Variants in ELFN1 observed in about 807,000 individuals in gnomAD.
ELFN1 encodes the protein extracellular leucine rich repeat and fibronectin type III domain containing 1.
Under a neutral mutation model 7.6 loss-of-function variants are expected in ELFN1, and 6 were observed. The observed-to-expected ratio is 0.79, with a 90% confidence interval of 0.43 to 1.56. The LOEUF (loss-of-function observed/expected upper bound fraction) is 1.56. ELFN1 is among the 40% of genes most tolerant of loss of function. ELFN1 has a pLI of 0.01. For missense variants in ELFN1, 1,169 were observed against 1,232.2 expected (o/e 0.95, Z 0.77); for synonymous variants, 657 against 588.1 (o/e 1.12, Z -1.70).
chr7:1,714,631 A>G (rs1279500768), intron 3 of ELFN1, among the ~76,000 whole-genome samples: 2 of 152,206 alleles, frequency 1.3e-5, no homozygotes, highest in Admixed American at 1.3e-4. Flanking sequence ...CCCAAGGCCT[A>G]CTATTGCTTT....
chr7:1,715,220 G>A (rs957311628), intron 3 of ELFN1, among the ~76,000 whole-genome samples: 1 of 152,204 alleles, frequency 6.6e-6, no homozygotes, highest in African/African-American at 2.4e-5. Flanking sequence ...TTGCCAAGTA[G>A]TTGTTTGGCA....
At chr7:1,734,577 C>G (rs540987283) in intron 3 of ELFN1, among the ~76,000 whole-genome samples, 1 of 152,218 alleles carries the variant, frequency 6.6e-6, no homozygotes, top group Non-Finnish European at 1.5e-5. Flanking sequence ...GGACCAGGCA[C>G]CCCCTTCCCG....
Position 1,739,127 on chromosome 7 carries a change from C to G in ELFN1, c.-293-5177C>G, listed in dbSNP as rs148060329. The G allele has an allele frequency of 6.6e-6, 1 of 152,138 alleles. No individual in the cohort carries two copies. Among genetic ancestry groups the G allele is most frequent in the Non-Finnish European group, 1.5e-5 (1 of 68,082 alleles). 9.4% of individuals were successfully genotyped at this position (152,138 alleles called of 1,614,324 possible). The stretch of plus-strand genomic sequence containing the variant: ...TGTCTGGAGGCCGGATTCTCCTCCA[C>G]GCGTGGAGGACTGGACGCCCTCAGG... On this transcript the variant is annotated intron_variant, in intron 3 of 3. Transcript: ENST00000424383. This position sits in a 1 kb window ranked among gnomAD's most constrained non-coding sequence, Gnocchi z 4.6.
chr7:1,697,913 G>A (rs1461848727), intron 2 of ELFN1, among the ~76,000 whole-genome samples: 1 of 152,234 alleles, frequency 6.6e-6, no homozygotes, highest in Non-Finnish European at 1.5e-5. Context: ...GCCTCCAGGT[G>A]TGGGAAGAAA....
intron 1 of ELFN1, among the ~76,000 whole-genome samples, chr7:1,680,299 G>C (rs1052236336): frequency 1.2e-4 from 19 of 152,178 alleles, no homozygotes; most frequent in African/African-American, 4.3e-4. Flanking sequence ...TTTTGGGAAG[G>C]TACCCCAAGG....
chr7:1,701,015 G>A (rs1779415706), intron 2 of ELFN1, among the ~76,000 whole-genome samples: 1 of 152,182 alleles, frequency 6.6e-6, no homozygotes, highest in Admixed American at 6.5e-5. Context: ...CTCTCAGAAG[G>A]TAGCTGTCGT....
At position 1,670,643 on chromosome 7, in the gene ELFN1, G is replaced by C. The variant is rs1778746406; in HGVS notation, c.-549+289G>C. 1.3e-5 allele frequency among the ~76,000 whole-genome samples: 2 copies of C among 152,244 alleles called. No individual in the cohort carries two copies. The highest frequency in any genetic ancestry group is 2.9e-5 in the Non-Finnish European group (2 of 67,988). ...AGCCCGCACGCTGCCCCGTGCCTCC[G>C]AGAGGTCCCTTCCCCAGCGCCTCTC... On this transcript the variant is annotated intron_variant, in intron 1 of 3. Transcript: ENST00000424383. The surrounding 1 kb of genome is among the most constrained non-coding windows in gnomAD (Gnocchi z 6.4).
rs1432628484 is a variant in ELFN1, at chr7:1,746,720, C to T, written c.2124C>T (p.Pro708=). The part of the protein sequence containing the change: ...RQYGEHRHSY[P]GSHPAEPPAP... ...ACGGCGAGCACCGGCACTCGTACCCCGGCTCCCACCCGGCCGAGCCACCTG... is the reference window on the plus strand; with the variant it reads ...ACGGCGAGCACCGGCACTCGTACCCTGGCTCCCACCCGGCCGAGCCACCTG... Residue 708 remains proline, a synonymous_variant, in exon 4 of 4, where the codon CCC becomes CCT. Coordinates refer to ENST00000424383, the MANE Select transcript of ELFN1 (RefSeq NM_001128636.4). The T allele has an allele frequency of 1.5e-5, 22 of 1,478,552 alleles. No individual in the cohort carries two copies. Among genetic ancestry groups the T allele is most frequent in the Middle Eastern group, 4.0e-4 (2 of 5,050 alleles). The allele number at this position is 1,478,552 out of a possible 1,614,324, so 91.6% of individuals were successfully genotyped here.
intron 3 of ELFN1, among the ~76,000 whole-genome samples, chr7:1,742,915 CAG>C (rs1260406722): frequency 1.3e-5 from 2 of 152,248 alleles, no homozygotes; most frequent in African/African-American, 2.4e-5. Flanking sequence ...ACGTCAATAT[CAG>C]TGAAATACAC....
intron 1 of ELFN1, among the ~76,000 whole-genome samples, chr7:1,675,079 C>T (rs1235230803): frequency 1.3e-5 from 2 of 152,300 alleles, no homozygotes; most frequent in Admixed American, 6.5e-5. Flanking sequence ...GCCTTACCGA[C>T]GGGGACCCGG....
In ELFN1 at chr7:1,684,510, T is replaced by C. The variant is rs1361356291; in HGVS notation, c.-548-3548T>C. Among the ~76,000 whole-genome samples the C allele has an allele frequency of 2.6e-5, 4 of 152,214 alleles. No individual in the cohort carries two copies. In the South Asian group the frequency reaches 8.3e-4, roughly 32 times the overall value. ...ATGGTCGCTGTTTTCTTCATTGTTT[T>C]CCATGTCTCATGTCTTTACCCATTC... On this transcript the variant is annotated intron_variant, in intron 1 of 3. Coordinates refer to ENST00000424383, the MANE Select transcript of ELFN1 (RefSeq NM_001128636.4).
chr7:1,684,341 A>T (rs1470007821), intron 1 of ELFN1, among the ~76,000 whole-genome samples: 1 of 152,180 alleles, frequency 6.6e-6, no homozygotes, highest in Non-Finnish European at 1.5e-5. Context: ...CCACACTTTG[A>T]ATATGTCATT....
At chr7:1,667,129 C>T (rs920779054), upstream of ELFN1, among the ~76,000 whole-genome samples, 3 of 151,464 alleles carry the variant, frequency 2.0e-5, no homozygotes, top group Non-Finnish European at 4.4e-5. The surrounding 1 kb of genome is among the most constrained non-coding windows in gnomAD (Gnocchi z 8.2). Context: ...GGGTGTCGGC[C>T]CCCCCCCGAA....
At chr7:1,709,738 T>C (rs1274696591) in intron 3 of ELFN1, among the ~76,000 whole-genome samples, 1 of 152,256 alleles carries the variant, frequency 6.6e-6, no homozygotes, top group Non-Finnish European at 1.5e-5. Context: ...TGGAAAAATA[T>C]ATACAAATGT....
upstream of ELFN1, among the ~76,000 whole-genome samples, chr7:1,667,969 G>GC (rs994667753): frequency 4.2e-5 from 6 of 143,470 alleles, no homozygotes; most frequent in Non-Finnish European, 9.4e-5. This position sits in a 1 kb window ranked among gnomAD's most constrained non-coding sequence, Gnocchi z 8.2. Flanking sequence ...TCGGGGTGGG[G>GC]GGGGGGGGCG....
chr7:1,690,679 G>A (rs1407826653), intron 2 of ELFN1, among the ~76,000 whole-genome samples: 1 of 151,242 alleles, frequency 6.6e-6, no homozygotes, highest in Non-Finnish European at 1.5e-5. Flanking sequence ...GGGTGGATGG[G>A]TGGATGCTAG....
intron 1 of ELFN1, among the ~76,000 whole-genome samples, chr7:1,678,530 A>G (rs1057344677): frequency 6.6e-6 from 1 of 152,184 alleles, no homozygotes; most frequent in Admixed American, 6.5e-5. Flanking sequence ...CATGTGCCAG[A>G]ACCCAGCATA....
chr7:1,732,285 C>T (rs1396164374), intron 3 of ELFN1, among the ~76,000 whole-genome samples: 1 of 152,142 alleles, frequency 6.6e-6, no homozygotes, highest in Non-Finnish European at 1.5e-5. Context: ...AGCAAAAATG[C>T]AAGAAGTCCA....
At position 1,747,623 on chromosome 7, in the gene ELFN1, C is replaced by G. The variant is rs1303929061; in HGVS notation, c.*540C>G. On this transcript the variant is annotated 3_prime_UTR_variant, in exon 4 of 4. Coordinates refer to ENST00000424383, the MANE Select transcript of ELFN1 (RefSeq NM_001128636.4). ...CCAGTCCGTCTCTTCATTGCCGCCT[C>G]CGGAGTCCACTGCAGAGGGGCAGAG... is the stretch of plus-strand genomic sequence containing the variant. 1 of 165,398 alleles carries G rather than the reference C, an allele frequency of 6.0e-6. No individual in the cohort carries two copies. Among genetic ancestry groups the G allele is most frequent in the Non-Finnish European group, 1.5e-5 (1 of 68,134 alleles). 10.2% of individuals were successfully genotyped at this position (165,398 alleles called of 1,614,324 possible).
Sources: gnomAD v4.1 joint callset for allele counts (sites outside exome capture counted in the v4.1 genomes callset) on GRCh38, gnomAD v4.1.1 for gene constraint, Gnocchi (gnomAD v3.1) non-coding constraint, MANE v1.5 for transcripts, NCBI Gene and HGNC (gene_info 2026-07-23, HGNC 2026-07-21) for gene names.